Variants in ITGAM observed in about 807,000 individuals in gnomAD.
ITGAM encodes integrin subunit alpha M, also known as integrin alpha-M.
In ITGAM, 79 loss-of-function variants were observed where a neutral mutation model predicts 137.5. The observed-to-expected ratio is 0.57, with a 90% confidence interval of 0.48 to 0.69. The LOEUF is 0.69. ITGAM is among the 30% of genes least tolerant of loss of function. The probability of loss-of-function intolerance (pLI) is 0.00; values close to 1 mark genes in which losing one functional copy is unlikely to be tolerated. For missense variants in ITGAM, 1,343 were observed against 1,483.5 expected, an observed-to-expected ratio of 0.91 and a Z score of 1.56; for synonymous variants, 583 against 592.3, an observed-to-expected ratio of 0.98 and a Z score of 0.23.
Position 31,277,067 on chromosome 16 carries a change from G to A in ITGAM, c.1213+18G>A, listed in dbSNP as rs1470674264. The A allele has an allele frequency of 2.5e-6, 4 of 1,599,400 alleles. No homozygotes were observed. The highest frequency in any genetic ancestry group is 3.4e-5 in the Admixed American group (2 of 58,302). On this transcript the variant is annotated intron_variant, in intron 11 of 29. Transcript: ENST00000544665. ...TTACTTGGGTAAGTGGGGAGGGCAA[G>A]GGTTACTCTAAGAAGGGGTGAGGAT...
Position 31,271,897 on chromosome 16 carries a change from A to G in ITGAM, c.609A>G (p.Lys203=). 1 of 1,614,028 alleles carries G rather than the reference A, an allele frequency of 6.2e-7. No homozygotes were observed. The highest frequency in any genetic ancestry group is 8.5e-7 in the Non-Finnish European group (1 of 1,179,898). The change falls in exon 7 of 30, where the codon AAA becomes AAG. Residue 203 remains lysine, a synonymous_variant. Coordinates refer to ENST00000544665, the MANE Select transcript of ITGAM (RefSeq NM_000632.4). ...SEEFRIHFTF[K]EFQNNPNPRS... ...AATTCCGGATTCACTTTACCTTCAA[A>G]GAGTTCCAGAACAACCCTAACCCAA...
rs869206231 is a variant in ITGAM, at chr16:31,270,699, GTATATATATATATATA to G, written c.428-225_428-210del. On this transcript the variant is annotated intron_variant, in intron 5 of 29. Coordinates refer to ENST00000544665, the MANE Select transcript of ITGAM (RefSeq NM_000632.4). ...TGACTAATTTTTAACGTGTGTGTGT[GTATATATATATATATA>G]TATATATATATATATATATATATAT... is the stretch of plus-strand genomic sequence containing the variant. Among the ~76,000 whole-genome samples the G allele has an allele frequency of 9.7e-3, 252 of 26,008 alleles. 7 individuals are homozygous for G. The highest frequency in any genetic ancestry group is 0.064 in the East Asian group (40 of 628). The allele number at this position is 26,008 out of a possible 152,430, so 17.1% of individuals were successfully genotyped here. A position where few individuals can be genotyped will look rare whatever the true frequency, so the allele number is the denominator to read the frequency against.
intron 14 of ITGAM, among the ~76,000 whole-genome samples, chr16:31,310,679 C>A (rs980502845): frequency 1.3e-5 from 2 of 152,198 alleles, no homozygotes; most frequent in Non-Finnish European, 2.9e-5. Context: ...TCTTCTGAAG[C>A]CTTCCTCTCT....
chr16:31,307,062 G>C (rs1188917572), intron 14 of ITGAM, among the ~76,000 whole-genome samples: 1 of 152,182 alleles, frequency 6.6e-6, no homozygotes, highest in East Asian at 1.9e-4. Flanking sequence ...TGGTAGTATG[G>C]TTTGAAGTCA....
At chr16:31,306,677 A>G (rs995334460) in intron 14 of ITGAM, among the ~76,000 whole-genome samples, 7 of 151,896 alleles carry the variant, frequency 4.6e-5, no homozygotes, top group African/African-American at 1.7e-4. Context: ...ATGCCCAGCT[A>G]ATTTTTGTAT....
chr16:31,298,442 AGATT>A (rs2080161588), intron 14 of ITGAM, among the ~76,000 whole-genome samples: 1 of 152,178 alleles, frequency 6.6e-6, no homozygotes, highest in Non-Finnish European at 1.5e-5. Context: ...TCTTAGTTCC[AGATT>A]GATTATTTCT....
intron 12 of ITGAM, among the ~76,000 whole-genome samples, chr16:31,282,489 C>CT (rs1410948355): frequency 7.2e-5 from 11 of 152,162 alleles, no homozygotes; most frequent in Admixed American, 4.6e-4. Context: ...TTCTTTGTCT[C>CT]TTTGATCTTT....
Position 31,325,583 on chromosome 16 carries a change from C to G in ITGAM, c.2589C>G (p.Ser863Arg), listed in dbSNP as rs780259055. 8.7e-6 allele frequency: 14 copies of G among 1,613,952 alleles called. No homozygotes were observed. The Middle Eastern group carries it at 6.6e-4, about 76-fold the overall frequency. The change falls in exon 21 of 30, where the codon AGC (serine) becomes AGG (arginine). Residue 863 changes from serine to arginine, a missense_variant. Ser to Arg is a moderately radical substitution (Grantham distance 110, BLOSUM62 -1). Coordinates refer to ENST00000544665, the MANE Select transcript of ITGAM (RefSeq NM_000632.4). ...TGTCTGGGGCCTTGAAGAGCACCAG[C>G]TGCAGCATAAACCACCCCATCTTCC... ...TEVSGALKST[S>R]CSINHPIFPE... is the part of the protein sequence containing the mutation.
At chr16:31,272,049 T>C in intron 7 of ITGAM, 57 bp downstream of exon 7, 1 of 1,605,192 alleles carries the variant, frequency 6.2e-7, no homozygotes, top group Non-Finnish European at 8.5e-7. Context: ...TTAGCTGGGC[T>C]TTGATGGATG....
At position 31,265,408 on chromosome 16, in the gene ITGAM, G is replaced by A. The variant is rs1436302658; in HGVS notation, c.148G>A (p.Ala50Thr). 1.2e-6 allele frequency: 2 copies of A among 1,600,720 alleles called. No homozygotes were observed. Among genetic ancestry groups the A allele is most frequent in the African/African-American group, 2.7e-5 (2 of 74,512 alleles). The change falls in exon 3 of 30, where the codon GCC (alanine) becomes ACC (threonine). Residue 50 changes from alanine (A) to threonine (T), a missense_variant. Coordinates refer to ENST00000544665, the MANE Select transcript of ITGAM (RefSeq NM_000632.4). ...TTCTCCCCACAGGGTGGTGGTTGGA[G>A]CCCCCCAGGAGATAGTGGCTGCCAA... Reference protein sequence around the residue: ...QLQGSRVVVGAPQEIVAANQR... With the variant: ...QLQGSRVVVGTPQEIVAANQR...
chr16:31,303,669 G>A (rs1193651849), intron 14 of ITGAM, among the ~76,000 whole-genome samples: 1 of 152,032 alleles, frequency 6.6e-6, no homozygotes, highest in Non-Finnish European at 1.5e-5. Context: ...CATCCTTATA[G>A]TTTAGCTCCC....
intron 23 of ITGAM, among the ~76,000 whole-genome samples, chr16:31,328,548 C>CGT (rs902891973): frequency 6.9e-6 from 1 of 145,616 alleles, no homozygotes; most frequent in African/African-American, 2.6e-5. Context: ...TGTATTTGTG[C>CGT]GTGTGTGTGA....
chr16:31,323,929 C>T (rs1351017806), intron 16 of ITGAM, among the ~76,000 whole-genome samples: 1 of 151,182 alleles, frequency 6.6e-6, no homozygotes, highest in Non-Finnish European at 1.5e-5. Flanking sequence ...AGGAGAAACG[C>T]TTGAACCTGG....
intron 12 of ITGAM, among the ~76,000 whole-genome samples, chr16:31,296,106 CTTT>C (rs768920728): frequency 3.1e-5 from 4 of 131,006 alleles, no homozygotes; most frequent in African/African-American, 8.5e-5. Context: ...ATCTTTTTAT[CTTT>C]TTTTTTTTTT....
chr16:31,261,406 T>A (rs2079698006), intron 1 of ITGAM, among the ~76,000 whole-genome samples: 1 of 151,916 alleles, frequency 6.6e-6, no homozygotes, highest in Admixed American at 6.6e-5. Flanking sequence ...GGTCTTAAAC[T>A]CCTGAGCCCA....
rs149700724 is a variant in ITGAM, at chr16:31,263,905, G to A, written c.135-1490G>A. On this transcript the variant is annotated intron_variant, in intron 2 of 29. Transcript: ENST00000544665. Reference sequence around the variant, plus strand: ...GGCTGGAGTGCAGTGGAGTGATCTCGGCTCACTGCAACCTCTGCCTCCTGG... The same window carrying A: ...GGCTGGAGTGCAGTGGAGTGATCTCAGCTCACTGCAACCTCTGCCTCCTGG... 4.2e-3 allele frequency among the ~76,000 whole-genome samples: 636 copies of A among 150,884 alleles called. 4 individuals are homozygous for A. Among genetic ancestry groups the A allele is most frequent in the African/African-American group, 0.015 (618 of 41,082 alleles).
intron 14 of ITGAM, among the ~76,000 whole-genome samples, chr16:31,302,790 C>T (rs1183954785): frequency 1.3e-5 from 2 of 151,954 alleles, no homozygotes; most frequent in Admixed American, 6.6e-5. Flanking sequence ...CTGCCTCAGC[C>T]TCCCAAAGTG....
Position 31,297,583 on chromosome 16 carries a change from C to T in ITGAM, c.1426C>T (p.Leu476Phe). The T allele has an allele frequency of 1.2e-6, 2 of 1,612,622 alleles. No homozygotes were observed. Among genetic ancestry groups the T allele is most frequent in the Non-Finnish European group, 1.7e-6 (2 of 1,179,862 alleles). The stretch of plus-strand genomic sequence containing the variant: ...CAGCAACGGCAGCACCGACCTGGTC[C>T]TCATCGGGGCCCCCCATTACTACGA... Reference protein sequence around the residue: ...VDSNGSTDLVLIGAPHYYEQT... With the variant: ...VDSNGSTDLVFIGAPHYYEQT... The change falls in exon 13 of 30, where the codon CTC becomes TTC. Residue 476 changes from leucine (L) to phenylalanine (F), a missense_variant. Leu to Phe is a conservative substitution (Grantham distance 22). Coordinates refer to ENST00000544665, the MANE Select transcript of ITGAM (RefSeq NM_000632.4).
In ITGAM at chr16:31,324,533, A is replaced by G; in HGVS notation, c.2137A>G (p.Thr713Ala). The G allele has an allele frequency of 6.2e-7, 1 of 1,609,258 alleles. No homozygotes were observed. Among genetic ancestry groups the G allele is most frequent in the East Asian group, 2.2e-5 (1 of 44,722 alleles). Residue 713 changes from threonine to alanine, a missense_variant, in exon 17 of 30, where the codon ACC becomes GCC. Coordinates refer to ENST00000544665, the MANE Select transcript of ITGAM (RefSeq NM_000632.4). The surrounding 1 kb of genome is among the most constrained non-coding windows in gnomAD (Gnocchi z 4.5). ...CTTGGGGCTGACCCAGACTTGTGAG[A>G]CCCTGAAACTACAGTTGCCGGTGAG... The part of the protein sequence containing the change: ...QVLGLTQTCE[T>A]LKLQLPNCIE...
Sources: gnomAD v4.1 joint callset for allele counts (sites outside exome capture counted in the v4.1 genomes callset) on GRCh38, gnomAD v4.1.1 for gene constraint, Gnocchi (gnomAD v3.1) non-coding constraint, MANE v1.5 for transcripts, NCBI Gene and HGNC (gene_info 2026-07-23, HGNC 2026-07-21) for gene names.